The following ZBTB20 variants were observed in gnomAD, a reference collection of about 807,000 sequenced individuals.
ZBTB20 encodes zinc finger and BTB domain-containing protein 20.
Under a neutral mutation model 56.9 loss-of-function variants are expected in ZBTB20, and 9 were observed. That is an observed-to-expected ratio of 0.16 (90% CI 0.10 to 0.28). The LOEUF (loss-of-function observed/expected upper bound fraction) is 0.28, where lower values mean the gene tolerates loss of function less well. Among genes scored for constraint, ZBTB20 ranks in the 10% least tolerant of loss-of-function variants. ZBTB20 has a pLI of 1.00. For missense variants in ZBTB20, 655 were observed against 1,003.0 expected, an observed-to-expected ratio of 0.65 and a Z score of 4.69; for synonymous variants, 417 against 420.7, an observed-to-expected ratio of 0.99 and a Z score of 0.11.
intron 1 of ZBTB20, among the ~76,000 whole-genome samples, chr3:115,098,528 G>A (rs1269323504): frequency 1.3e-5 from 2 of 152,032 alleles, no homozygotes; most frequent in South Asian, 4.1e-4. Flanking sequence ...AAAAATCTCC[G>A]ACGGGACCTG....
rs1309098998 is a variant in ZBTB20 at position 114,339,458 on chromosome 3, C to A, written c.1805-32G>T. 6.3e-7 allele frequency: 1 copy of A among 1,589,974 alleles called. No individual in the cohort carries two copies. Among genetic ancestry groups the A allele is most frequent in the African/African-American group, 1.3e-5 (1 of 74,202 alleles). On this transcript the variant is annotated intron_variant, in intron 11 of 11. Coordinates refer to ENST00000675478, the MANE Select transcript of ZBTB20 (RefSeq NM_001348800.3). The surrounding 1 kb of genome is among the most constrained non-coding windows in gnomAD (Gnocchi z 4.2). ...ATGTAGGAAGAGACAGCAAGCAGGA[C>A]AGAGCGAGACATAGCAAGGGATAGA...
chr3:115,128,579 G>A (rs1375360227), intron 1 of ZBTB20, among the ~76,000 whole-genome samples: 1 of 151,660 alleles, frequency 6.6e-6, no homozygotes, highest in East Asian at 1.9e-4. Context: ...CATGAGAATC[G>A]CTTGAACCCA....
At chr3:114,990,761 T>C (rs1250421750) in intron 2 of ZBTB20, among the ~76,000 whole-genome samples, 1 of 152,166 alleles carries the variant, frequency 6.6e-6, no homozygotes. Flanking sequence ...GGTAGGCTAT[T>C]AATTATTGCC....
chr3:114,605,057 G>T (rs1040429231), intron 6 of ZBTB20, among the ~76,000 whole-genome samples: 4 of 151,938 alleles, frequency 2.6e-5, no homozygotes, highest in Non-Finnish European at 5.9e-5. Flanking sequence ...GATGTACTCA[G>T]TATGCATAAC....
chr3:114,323,752 G>A lies in ZBTB20; in HGVS notation c.*15253C>T, dbSNP rs1456381757. The A allele has an allele frequency of 6.6e-6, 1 of 152,148 alleles. No homozygotes were observed. Among genetic ancestry groups the A allele is most frequent in the East Asian group, 1.9e-4 (1 of 5,200 alleles). The allele number at this position is 152,148 out of a possible 1,614,324, so 9.4% of individuals were successfully genotyped here. On this transcript the variant is annotated 3_prime_UTR_variant, in exon 12 of 12. Transcript: ENST00000675478. The stretch of plus-strand genomic sequence containing the variant: ...GAAAACAGATCCTATCAGCATGGTG[G>A]TTCCTAGGCCTGATCAAGAGTTGAC...
intron 6 of ZBTB20, among the ~76,000 whole-genome samples, chr3:114,634,366 G>A (rs1379596688): frequency 6.6e-6 from 1 of 152,108 alleles, no homozygotes. Context: ...AAAGTAACAA[G>A]TAAACATAAT....
At position 114,474,676 on chromosome 3, in the gene ZBTB20, T is replaced by C. The variant is rs1343055556; in HGVS notation, c.-255+25676A>G. The stretch of plus-strand genomic sequence containing the variant: ...TGCTTTCCCCTCCCAACCCTTCTCC[T>C]GCTTTGCTGCTCTGTTTATGACTCT... On this transcript the variant is annotated intron_variant, in intron 7 of 11. Coordinates refer to ENST00000675478, the MANE Select transcript of ZBTB20 (RefSeq NM_001348800.3). Among the ~76,000 whole-genome samples, 4 of 152,314 alleles carry C rather than the reference T, an allele frequency of 2.6e-5. No homozygotes were observed. In the South Asian group the frequency reaches 8.3e-4, roughly 32 times the overall value.
chr3:114,413,319 A>G lies in ZBTB20; in HGVS notation c.-254-24214T>C, dbSNP rs565934741. Among the ~76,000 whole-genome samples, 45 of 152,296 alleles carry G rather than the reference A, an allele frequency of 3.0e-4. 1 individual carries two copies. The highest frequency in any genetic ancestry group is 1.0e-3 in the African/African-American group (42 of 41,578). On this transcript the variant is annotated intron_variant, in intron 7 of 11. Coordinates refer to ENST00000675478, the MANE Select transcript of ZBTB20 (RefSeq NM_001348800.3). ...GTCATCTTACTACTTTTCAAAAGAAACAATTTATGACAAACTAAAGAACTA... is the reference window on the plus strand; with the variant it reads ...GTCATCTTACTACTTTTCAAAAGAAGCAATTTATGACAAACTAAAGAACTA...
chr3:114,824,132 T>C (rs1481252645), intron 4 of ZBTB20, among the ~76,000 whole-genome samples: 1 of 152,028 alleles, frequency 6.6e-6, no homozygotes, highest in Non-Finnish European at 1.5e-5. Context: ...AAGTTTTGTT[T>C]AGCATTTTCA....
At chr3:115,007,902 C>T (rs1269069565) in intron 2 of ZBTB20, among the ~76,000 whole-genome samples, 1 of 151,796 alleles carries the variant, frequency 6.6e-6, no homozygotes, top group African/African-American at 2.4e-5. Context: ...AAACACTGTC[C>T]TCTCACTGGC....
chr3:114,326,297 T>C lies in ZBTB20; in HGVS notation c.*12708A>G, dbSNP rs2079061965. 1 of 152,216 alleles carries C rather than the reference T, an allele frequency of 6.6e-6. No individual in the cohort carries two copies. Among genetic ancestry groups the C allele is most frequent in the African/African-American group, 2.4e-5 (1 of 41,454 alleles). 9.4% of individuals were successfully genotyped at this position (152,216 alleles called of 1,614,324 possible). On this transcript the variant is annotated 3_prime_UTR_variant, in exon 12 of 12. Coordinates refer to ENST00000675478, the MANE Select transcript of ZBTB20 (RefSeq NM_001348800.3). ...ATAAGGATTTGTAGTACAAAATGCA[T>C]GGTCTTCATCTGCAATCAATAAAAA...
intron 7 of ZBTB20, among the ~76,000 whole-genome samples, chr3:114,405,486 T>C (rs2087227647): frequency 6.6e-6 from 1 of 152,150 alleles, no homozygotes; most frequent in Non-Finnish European, 1.5e-5. Context: ...GTTTAAGGGA[T>C]GGGCCATGAT....
At chr3:114,969,155 T>C (rs1468000018) in intron 3 of ZBTB20, among the ~76,000 whole-genome samples, 2 of 152,216 alleles carry the variant, frequency 1.3e-5, no homozygotes, top group Non-Finnish European at 2.9e-5. Flanking sequence ...TAAGTCTCTT[T>C]TGTTCAACAG....
chr3:115,073,846 TC>T (rs1411827250), intron 1 of ZBTB20, among the ~76,000 whole-genome samples: 5 of 151,996 alleles, frequency 3.3e-5, no homozygotes, highest in Non-Finnish European at 5.9e-5. Flanking sequence ...ACTAAATAAA[TC>T]CCTACCATTA....
At chr3:114,358,860 A>G (rs2108295668) in intron 10 of ZBTB20, among the ~76,000 whole-genome samples, 1 of 152,242 alleles carries the variant, frequency 6.6e-6, no homozygotes, top group African/African-American at 2.4e-5. Context: ...CTTCTCCCAG[A>G]CCTCAGTGCT....
chr3:114,761,258 T>C (rs1184189717), intron 5 of ZBTB20, among the ~76,000 whole-genome samples: 2 of 152,186 alleles, frequency 1.3e-5, no homozygotes, highest in Non-Finnish European at 1.5e-5. Flanking sequence ...CCACAATGCT[T>C]ACACATAATA....
chr3:114,806,457 T>G (rs191356953), intron 4 of ZBTB20, among the ~76,000 whole-genome samples: 6 of 152,122 alleles, frequency 3.9e-5, no homozygotes, highest in Admixed American at 3.9e-4. Context: ...CTTTTTATTA[T>G]TGAAGAATTC....
At chr3:115,059,763 T>C (rs2081950599) in intron 2 of ZBTB20, among the ~76,000 whole-genome samples, 1 of 152,164 alleles carries the variant, frequency 6.6e-6, no homozygotes, top group Non-Finnish European at 1.5e-5. Context: ...CTTCTGTACA[T>C]TATGATCAGG....
chr3:114,344,267 T>C (rs1024818916), intron 11 of ZBTB20, among the ~76,000 whole-genome samples: 2 of 152,224 alleles, frequency 1.3e-5, no homozygotes, highest in African/African-American at 4.8e-5. Flanking sequence ...GTTTCATCCA[T>C]GCTACTTGAC....
Sources: gnomAD v4.1 joint callset for allele counts (sites outside exome capture counted in the v4.1 genomes callset) on GRCh38, gnomAD v4.1.1 for gene constraint, Gnocchi (gnomAD v3.1) non-coding constraint, MANE v1.5 for transcripts, NCBI Gene and HGNC (gene_info 2026-07-23, HGNC 2026-07-21) for gene names.